The following SDR42E2 variants were observed in gnomAD, a reference collection of about 807,000 sequenced individuals.
The protein encoded by SDR42E2 is putative short-chain dehydrogenase/reductase family 42E member 2.
SDR42E2 carries 20 observed loss-of-function variants against 10.5 expected under a neutral mutation model. The ratio of observed to expected loss-of-function variants is 1.90; its 90% confidence interval spans 1.34 to 2.77. The LOEUF (loss-of-function observed/expected upper bound fraction) is 2.77. Ranked by LOEUF, SDR42E2 falls within the 30% of genes most tolerant of loss-of-function variation. The pLI, the probability that SDR42E2 is intolerant of heterozygous loss-of-function variation, is 0.00. For missense variants in SDR42E2, 162 were observed against 104.2 expected (o/e 1.55, Z -2.42); for synonymous variants, 72 against 39.2 (o/e 1.84, Z -3.12).
chr16:22,170,811 C>CT, intron 5 of SDR42E2, 22 bp from the exon 6 acceptor site: 1 of 702,932 alleles, frequency 1.4e-6, no homozygotes, highest in Non-Finnish European at 2.6e-6. Flanking sequence ...TTATTTGTTG[C>CT]TATGTGCACC....
At chr16:22,184,736 G>A (rs1053797632) in intron 11 of SDR42E2, among the ~76,000 whole-genome samples, 11 of 152,292 alleles carry the variant, frequency 7.2e-5, no homozygotes, top group East Asian at 3.9e-4. Flanking sequence ...GTCTGGTGCC[G>A]GAAGCAAGTG....
intron 7 of SDR42E2, among the ~76,000 whole-genome samples, chr16:22,177,850 G>A (rs915364625): frequency 6.8e-6 from 1 of 147,236 alleles, no homozygotes; most frequent in Non-Finnish European, 1.5e-5. Flanking sequence ...ACTGCACTGT[G>A]AGCAATGGGA....
chr16:22,165,186 C>T (rs1232616311), intron 1 of SDR42E2, among the ~76,000 whole-genome samples: 1 of 152,186 alleles, frequency 6.6e-6, no homozygotes, highest in Non-Finnish European at 1.5e-5. Flanking sequence ...CTTCCAGGTT[C>T]AAGCAATTCT....
intron 8 of SDR42E2, among the ~76,000 whole-genome samples, chr16:22,180,040 T>C (rs1435826493): frequency 1.3e-5 from 2 of 151,914 alleles, no homozygotes; most frequent in Non-Finnish European, 2.9e-5. Context: ...CCTGCAGCAG[T>C]GTCCAGGAAG....
Position 22,172,271 on chromosome 16 carries a change from T to C in SDR42E2, c.529T>C (p.Ser177Pro). The change falls in exon 7 of 13, where the codon TCC becomes CCC. Residue 177 changes from serine (S) to proline (P), a missense_variant. Physicochemically the swap from Ser to Pro is moderately conservative, Grantham distance 74. Coordinates refer to ENST00000602312, the MANE Select transcript of SDR42E2 (RefSeq NM_001394319.2). ...FPLDEHVDHY[S>P]RTKAIADQLT... ...CCTCTGGCAGCACGTAGACCACTAC[T>C]CCCGAACCAAAGCCATCGCCGACCA... 1 of 703,154 alleles carries C rather than the reference T, an allele frequency of 1.4e-6. No homozygotes were observed. Among genetic ancestry groups the C allele is most frequent in the Non-Finnish European group, 2.6e-6 (1 of 384,992 alleles). The allele number at this position is 703,154 out of a possible 1,614,324, so 43.6% of individuals were successfully genotyped here. A position where few individuals can be genotyped will look rare whatever the true frequency, so the allele number is the denominator to read the frequency against.
In SDR42E2 at chr16:22,190,600, C is replaced by G; in HGVS notation, c.*207C>G. Reference sequence around the variant, plus strand: ...GGCCACGCCCCTATCTACTCCCAGACCTTGCCTTGCGCCCTTCCTGTGTTT... The same window carrying G: ...GGCCACGCCCCTATCTACTCCCAGAGCTTGCCTTGCGCCCTTCCTGTGTTT... On this transcript the variant is annotated 3_prime_UTR_variant, in exon 13 of 13. Coordinates refer to ENST00000602312, the MANE Select transcript of SDR42E2 (RefSeq NM_001394319.2). The G allele has an allele frequency of 2.5e-6, 1 of 397,594 alleles. No homozygotes were observed. The highest frequency in any genetic ancestry group is 4.4e-6 in the Non-Finnish European group (1 of 225,452). 24.6% of individuals were successfully genotyped at this position (397,594 alleles called of 1,614,324 possible).
intron 10 of SDR42E2, among the ~76,000 whole-genome samples, 182 bp downstream of exon 10, chr16:22,182,459 G>A (rs1269416495): frequency 1.3e-5 from 2 of 151,950 alleles, no homozygotes; most frequent in Non-Finnish European, 2.9e-5. Context: ...CAATTCTCAT[G>A]CCTCAGCCTC....
intron 12 of SDR42E2, 36 bp from the exon 13 acceptor site, chr16:22,190,103 G>A (rs1245047111): frequency 1.2e-5 from 5 of 400,850 alleles, no homozygotes; most frequent in African/African-American, 6.2e-5. Flanking sequence ...CTCCTCCCAC[G>A]AGGCCCGCCC....
chr16:22,168,193 G>A (rs962457605), intron 4 of SDR42E2, among the ~76,000 whole-genome samples: 2 of 151,982 alleles, frequency 1.3e-5, no homozygotes, highest in East Asian at 1.9e-4. Flanking sequence ...CCAGGAGTTC[G>A]AGACCAGCCT....
At chr16:22,179,622 G>A (rs2142074317) in intron 8 of SDR42E2, among the ~76,000 whole-genome samples, 1 of 152,136 alleles carries the variant, frequency 6.6e-6, no homozygotes, top group South Asian at 2.1e-4. Flanking sequence ...GACCAGCCTG[G>A]CCAGCATGGT....
chr16:22,180,395 A>G lies in SDR42E2; in HGVS notation c.673-1124A>G, dbSNP rs1255716598. ...AGCCTGGGTGACACAGGGAGACTCT[A>G]TCTCTAAAAATAAAAGGATCCCTGG... is the stretch of plus-strand genomic sequence containing the variant. On this transcript the variant is annotated intron_variant, in intron 8 of 12. Transcript: ENST00000602312. Among the ~76,000 whole-genome samples the G allele has an allele frequency of 2.0e-5, 3 of 151,724 alleles. No individual in the cohort carries two copies. The East Asian group carries it at 5.8e-4, about 29-fold the overall frequency.
At chr16:22,175,023 G>A (rs1184450206) in intron 7 of SDR42E2, among the ~76,000 whole-genome samples, 1 of 152,114 alleles carries the variant, frequency 6.6e-6, no homozygotes, top group Non-Finnish European at 1.5e-5. Flanking sequence ...GCAGAGGTCC[G>A]TAGTCCTGGG....
chr16:22,171,840 G>A (rs185852577), intron 6 of SDR42E2, among the ~76,000 whole-genome samples: 26 of 152,242 alleles, frequency 1.7e-4, no homozygotes, highest in African/African-American at 6.0e-4. Flanking sequence ...ACAAGCCTCT[G>A]TTTCTTCAAC....
rs778339684 is a variant in SDR42E2 at position 22,172,295 on chromosome 16, C to T, written c.553C>T (p.Gln185Ter). The T allele has an allele frequency of 3.1e-5, 22 of 703,248 alleles. 1 individual carries two copies. Among genetic ancestry groups the T allele is most frequent in the South Asian group, 2.8e-4 (19 of 67,598 alleles). The allele number at this position is 703,248 out of a possible 1,614,324, so 43.6% of individuals were successfully genotyped here. The change falls in exon 7 of 13, where the codon CAA becomes TAA. Residue 185 changes from glutamine to a stop codon, truncating the protein, a stop_gained. Transcript: ENST00000602312. LOFTEE classifies it high-confidence loss of function. ...HYSRTKAIAD[Q>*]LTLMANGMPL... is the part of the protein sequence containing the mutation. ...CTCCCGAACCAAAGCCATCGCCGAC[C>T]AATTGACCCTCATGGCCAATGGGAT...
Position 22,173,905 on chromosome 16 carries a change from G to GTATATATA in SDR42E2, c.589+1591_589+1598dup, listed in dbSNP as rs770541596. On this transcript the variant is annotated intron_variant, in intron 7 of 12. Transcript: ENST00000602312. ...GGGCTACGTATATATATGTGTGTGT[G>GTATATATA]TATATATATATATATATATATATAG... Among the ~76,000 whole-genome samples the GTATATATA allele has an allele frequency of 3.8e-3, 433 of 115,022 alleles. 6 individuals are homozygous for GTATATATA. The highest frequency in any genetic ancestry group is 0.015 in the Middle Eastern group (3 of 204). The allele number at this position is 115,022 out of a possible 152,430, so 75.5% of individuals were successfully genotyped here.
chr16:22,188,639 G>T (rs997109435), intron 12 of SDR42E2, among the ~76,000 whole-genome samples: 63 of 152,152 alleles, frequency 4.1e-4, no homozygotes, highest in African/African-American at 1.5e-3. Context: ...AGCTGCCAGG[G>T]TGCAGCTGAA....
intron 4 of SDR42E2, among the ~76,000 whole-genome samples, 166 bp downstream of exon 4, chr16:22,167,165 A>ATTTTT (rs534502295): frequency 2.7e-5 from 1 of 37,722 alleles, no homozygotes; most frequent in Non-Finnish European, 4.3e-5. Flanking sequence ...CAGTTCTGCC[A>ATTTTT]TTTTTTTTTT....
At chr16:22,189,953 A>G (rs1598148122) in intron 12 of SDR42E2, among the ~76,000 whole-genome samples, 186 bp from the exon 13 acceptor site, 2 of 152,332 alleles carry the variant, frequency 1.3e-5, no homozygotes, top group South Asian at 4.1e-4. Flanking sequence ...TGAACATGTA[A>G]GGAAGAAAGG....
rs781121816 is a variant in SDR42E2, at chr16:22,181,697, G to C, written c.810+41G>C. ...TGCCCCCAACCACCTTCCCCACAGG[G>C]CTGCAGGCAGAGCGTCCCATCCCTA... On this transcript the variant is annotated intron_variant, in intron 9 of 12. Coordinates refer to ENST00000602312, the MANE Select transcript of SDR42E2 (RefSeq NM_001394319.2). 9 of 695,190 alleles carry C rather than the reference G, an allele frequency of 1.3e-5. No homozygotes were observed. The African/African-American group carries it at 1.6e-4, about 12-fold the overall frequency. The allele number at this position is 695,190 out of a possible 1,614,324, so 43.1% of individuals were successfully genotyped here.
Sources: allele counts gnomAD v4.1 joint callset (sites outside exome capture counted in the v4.1 genomes callset), GRCh38; gene constraint gnomAD v4.1.1; transcripts MANE v1.5; gene names NCBI Gene and HGNC (gene_info 2026-07-23, HGNC 2026-07-21).